The following NCALD variants were observed in gnomAD, a reference collection of about 807,000 sequenced individuals.
The protein encoded by NCALD is neurocalcin delta, also known as neurocalcin-delta.
In NCALD, 10 loss-of-function variants were observed where a neutral mutation model predicts 18.6. The observed-to-expected ratio is 0.54, with a 90% CI of 0.33 to 0.91. NCALD has a LOEUF of 0.91. Ranked by LOEUF, NCALD falls within the 40% of genes least tolerant of loss-of-function variation. The probability of loss-of-function intolerance (pLI) is 0.03; values close to 1 mark genes in which losing one functional copy is unlikely to be tolerated. For synonymous variants in NCALD, 88 were observed against 87.4 expected, an observed-to-expected ratio of 1.01 and a Z score of -0.04; for missense variants, 184 against 247.6, an observed-to-expected ratio of 0.74 and a Z score of 1.72.
At chr8:102,014,956 G>A (rs1822031028) in intron 2 of NCALD, among the ~76,000 whole-genome samples, 2 of 152,182 alleles carry the variant, frequency 1.3e-5, no homozygotes, top group South Asian at 4.1e-4. Flanking sequence ...CTCAGTGGGT[G>A]CAGATGCTGC....
At chr8:101,920,594 G>A (rs1818126688) in intron 2 of NCALD, among the ~76,000 whole-genome samples, 1 of 152,150 alleles carries the variant, frequency 6.6e-6, no homozygotes, top group Non-Finnish European at 1.5e-5. Context: ...GGATACAGCT[G>A]GAGTCCATTA....
intron 4 of NCALD, among the ~76,000 whole-genome samples, chr8:101,801,324 T>G (rs896535489): frequency 1.3e-5 from 2 of 152,170 alleles, no homozygotes; most frequent in Non-Finnish European, 2.9e-5. Flanking sequence ...GAAATATAGA[T>G]TTAAATTACA....
intron 4 of NCALD, among the ~76,000 whole-genome samples, chr8:101,807,136 T>A (rs1010992264): frequency 6.6e-6 from 1 of 152,108 alleles, no homozygotes; most frequent in African/African-American, 2.4e-5. Flanking sequence ...TGATAGTAGA[T>A]CTACTTCACA....
chr8:101,809,269 C>T (rs1813220723), intron 4 of NCALD, among the ~76,000 whole-genome samples: 1 of 152,116 alleles, frequency 6.6e-6, no homozygotes, highest in Non-Finnish European at 1.5e-5. Context: ...AGAAAAGAGA[C>T]ATCAAAATCA....
At chr8:101,826,454 TAAG>T (rs1813941568) in intron 4 of NCALD, among the ~76,000 whole-genome samples, 2 of 152,186 alleles carry the variant, frequency 1.3e-5, no homozygotes, top group Non-Finnish European at 2.9e-5. Flanking sequence ...AAAGATCAAG[TAAG>T]ATTGACTTTG....
intron 1 of NCALD, among the ~76,000 whole-genome samples, chr8:102,045,544 G>C (rs1053255472): frequency 1.3e-5 from 2 of 152,096 alleles, no homozygotes; most frequent in African/African-American, 4.8e-5. Context: ...TCAAGCTGTA[G>C]CTGTTTTTGT....
chr8:101,935,318 G>C (rs1276322295), intron 2 of NCALD, among the ~76,000 whole-genome samples: 1 of 152,040 alleles, frequency 6.6e-6, no homozygotes, highest in Admixed American at 6.6e-5. Flanking sequence ...CTGACCTAAA[G>C]GATAAGATTT....
At chr8:101,764,014 A>ACC (rs4002431) in intron 1 of NCALD, among the ~76,000 whole-genome samples, 1 of 39,352 alleles carries the variant, frequency 2.5e-5, no homozygotes, top group African/African-American at 8.6e-5. Context: ...ACACACACAC[A>ACC]CCCCCTATTG....
At chr8:101,826,628 C>T (rs1813948754) in intron 4 of NCALD, among the ~76,000 whole-genome samples, 2 of 152,104 alleles carry the variant, frequency 1.3e-5, no homozygotes, top group South Asian at 2.1e-4. Context: ...TTGAATAGAT[C>T]GATTTTTAAC....
At chr8:101,875,704 C>A (rs77597551) in intron 4 of NCALD, among the ~76,000 whole-genome samples, 297 of 152,244 alleles carry the variant, frequency 2.0e-3, no homozygotes, top group African/African-American at 6.6e-3. Flanking sequence ...AAAAGCAAAG[C>A]CAAGGACGTG....
At chr8:101,950,871 C>T (rs1478484585) in intron 2 of NCALD, among the ~76,000 whole-genome samples, 1 of 152,176 alleles carries the variant, frequency 6.6e-6, no homozygotes, top group African/African-American at 2.4e-5. Context: ...CTGTAACAGG[C>T]CACTGATATT....
chr8:101,999,447 C>T (rs1012853363), intron 2 of NCALD, among the ~76,000 whole-genome samples: 38 of 152,102 alleles, frequency 2.5e-4, no homozygotes, highest in African/African-American at 8.7e-4. Context: ...TATGTTCTCA[C>T]GCGTAATTGG....
rs148836475 is a variant in NCALD at position 101,705,357 on chromosome 8, T to C, written c.379-12461A>G. ...CATGATCATATTAGGTCTTGAAAGA[T>C]TACTCTGGCATCAGTGGGGAAAACC... On this transcript the variant is annotated intron_variant, in intron 2 of 3. Coordinates refer to ENST00000220931, the MANE Select transcript of NCALD (RefSeq NM_032041.3). 4.1e-4 allele frequency among the ~76,000 whole-genome samples: 63 copies of C among 152,290 alleles called. 1 individual carries two copies. The highest frequency in any genetic ancestry group is 1.5e-3 in the African/African-American group (63 of 41,560).
intron 4 of NCALD, among the ~76,000 whole-genome samples, chr8:101,808,043 G>C (rs910571655): frequency 2.6e-5 from 4 of 151,932 alleles, no homozygotes; most frequent in African/African-American, 9.7e-5. Context: ...TTAGAAGAGT[G>C]ATCAAGAAAA....
At chr8:101,867,012 T>A (rs1208150606) in intron 4 of NCALD, among the ~76,000 whole-genome samples, 1 of 151,972 alleles carries the variant, frequency 6.6e-6, no homozygotes, top group Non-Finnish European at 1.5e-5. Context: ...CCTTCTACTA[T>A]CCCCCATCTC....
chr8:102,093,146 G>A (rs566373163), intron 1 of NCALD, among the ~76,000 whole-genome samples: 4 of 151,528 alleles, frequency 2.6e-5, no homozygotes, highest in African/African-American at 7.3e-5. Flanking sequence ...GCAACAGAGT[G>A]AGACCCTGTC....
At chr8:102,074,872 A>T (rs79605279) in intron 1 of NCALD, among the ~76,000 whole-genome samples, 9,257 of 152,218 alleles carry the variant, frequency 0.061, 412 homozygotes, top group Non-Finnish European at 0.092. Context: ...CTTTTTAATC[A>T]ATTTTGGGTG....
chr8:101,688,578 G>A lies in NCALD; in HGVS notation c.*731C>T, dbSNP rs941988122. On this transcript the variant is annotated 3_prime_UTR_variant, in exon 4 of 4. Transcript: ENST00000220931. ...ATTACCCAATATGTTATATACAGCC[G>A]TCTTTTTATTTTATCACAATAGGCA... 11 of 445,718 alleles carry A rather than the reference G, an allele frequency of 2.5e-5. No homozygotes were observed. Among genetic ancestry groups the A allele is most frequent in the Admixed American group, 1.5e-4 (6 of 40,292 alleles). The allele number at this position is 445,718 out of a possible 1,614,324, so 27.6% of individuals were successfully genotyped here.
intron 4 of NCALD, among the ~76,000 whole-genome samples, chr8:101,799,887 C>T (rs7012512): frequency 0.81 from 122,655 of 152,150 alleles, 49,503 homozygotes; most frequent in African/African-American, 0.86. Flanking sequence ...TGTAATTTTG[C>T]ACTGCAGTTT....
Sources: gnomAD v4.1 joint callset for allele counts (sites outside exome capture counted in the v4.1 genomes callset) on GRCh38, gnomAD v4.1.1 for gene constraint, MANE v1.5 for transcripts, NCBI Gene and HGNC (gene_info 2026-07-23, HGNC 2026-07-21) for gene names.